SPECC1: variants seen among roughly 807,000 people sequenced by gnomAD.
SPECC1 encodes the protein sperm antigen with calponin homology and coiled-coil domains 1, also known as cytospin-B.
In SPECC1, 62 loss-of-function variants were observed where a neutral mutation model predicts 104.1. That is an observed-to-expected ratio of 0.60 (90% CI 0.49 to 0.74). The LOEUF (loss-of-function observed/expected upper bound fraction) is 0.74, where lower values mean the gene tolerates loss of function less well. Ranked by LOEUF, SPECC1 falls within the 30% of genes least tolerant of loss-of-function variation. The pLI, the probability that SPECC1 is intolerant of heterozygous loss-of-function variation, is 0.00. For synonymous variants in SPECC1, 513 were observed against 501.6 expected (o/e 1.02, Z -0.30); for missense variants, 1,306 against 1,310.5 (o/e 1.00, Z 0.05).
intron 1 of SPECC1, among the ~76,000 whole-genome samples, chr17:20,059,253 T>C (rs961833514): frequency 6.6e-6 from 1 of 151,986 alleles, no homozygotes; most frequent in Non-Finnish European, 1.5e-5. Context: ...TGCAACTAGA[T>C]GTTCCCATCT....
At chr17:20,048,632 C>T (rs76785067) in intron 1 of SPECC1, among the ~76,000 whole-genome samples, 125 of 152,056 alleles carry the variant, frequency 8.2e-4, no homozygotes, top group Non-Finnish European at 1.4e-3. Flanking sequence ...CAGGGCCAGG[C>T]GCGGTGGCTC....
chr17:20,230,766 G>A (rs1227987561), intron 5 of SPECC1, among the ~76,000 whole-genome samples: 2 of 152,068 alleles, frequency 1.3e-5, no homozygotes, highest in Non-Finnish European at 2.9e-5. Flanking sequence ...AGAGACCTAG[G>A]GACACATAAA....
chr17:20,020,082 C>A (rs1237879469), intron 1 of SPECC1, among the ~76,000 whole-genome samples: 1 of 152,180 alleles, frequency 6.6e-6, no homozygotes, highest in Non-Finnish European at 1.5e-5. Flanking sequence ...TTTCTTCATT[C>A]TAGTCACTGC....
At chr17:20,290,557 C>T (rs1443224623) in intron 12 of SPECC1, among the ~76,000 whole-genome samples, 2 of 152,074 alleles carry the variant, frequency 1.3e-5, no homozygotes, top group South Asian at 4.1e-4. Context: ...CTCTGTTGCC[C>T]TGGCTGGAGT....
intron 3 of SPECC1, chr17:20,156,075 T>A: frequency 1.5e-6 from 2 of 1,324,182 alleles, no homozygotes; most frequent in Non-Finnish European, 1.9e-6. Flanking sequence ...GCCCGGTCCT[T>A]TCTTTGACTG....
At chr17:20,087,350 G>C (rs1441821218) in intron 1 of SPECC1, among the ~76,000 whole-genome samples, 1 of 152,190 alleles carries the variant, frequency 6.6e-6, no homozygotes, top group African/African-American at 2.4e-5. Context: ...CAGCATGAAT[G>C]TTTTCAAGGT....
chr17:20,072,906 T>C (rs904172251), intron 1 of SPECC1, among the ~76,000 whole-genome samples: 4 of 152,176 alleles, frequency 2.6e-5, no homozygotes, highest in Non-Finnish European at 4.4e-5. Flanking sequence ...ATTTCTTCGG[T>C]GTTTTTTTCT....
rs72832516 is a variant in SPECC1 at position 20,284,164 on chromosome 17, G to A, written c.2941-12797G>A. 2.4e-3 allele frequency among the ~76,000 whole-genome samples: 370 copies of A among 152,286 alleles called. 1 individual carries two copies. Among genetic ancestry groups the A allele is most frequent in the Non-Finnish European group, 4.1e-3 (282 of 68,030 alleles). On this transcript the variant is annotated intron_variant, in intron 12 of 14. Coordinates refer to ENST00000395527, the MANE Select transcript of SPECC1 (RefSeq NM_001243439.2). The stretch of plus-strand genomic sequence containing the variant: ...ACAAGCGATGCGAGACTAATCCCTG[G>A]GAGAAGGGAAACTCCTGCAGTGATG...
At chr17:20,307,825 A>G (rs929355146) in intron 14 of SPECC1, among the ~76,000 whole-genome samples, 4 of 152,218 alleles carry the variant, frequency 2.6e-5, no homozygotes, top group Admixed American at 6.5e-5. Context: ...AGGATAATGA[A>G]AGAGTCCACA....
intron 12 of SPECC1, among the ~76,000 whole-genome samples, chr17:20,266,008 C>G (rs143750970): frequency 1.3e-5 from 2 of 152,144 alleles, no homozygotes; most frequent in Non-Finnish European, 2.9e-5. Flanking sequence ...TCAGGCAATG[C>G]GAGTCTCCAG....
At position 20,080,657 on chromosome 17, in the gene SPECC1, G is replaced by A. The variant is rs190548971; in HGVS notation, c.-21-15974G>A. Reference sequence around the variant, plus strand: ...AGGGTCTCGGGTTGTCTTGAGTCTAGGAGCTTGAGGGCCTCTCCGGGTCTT... The same window carrying A: ...AGGGTCTCGGGTTGTCTTGAGTCTAAGAGCTTGAGGGCCTCTCCGGGTCTT... On this transcript the variant is annotated intron_variant, in intron 1 of 14. Coordinates refer to ENST00000395527, the MANE Select transcript of SPECC1 (RefSeq NM_001243439.2). Among the ~76,000 whole-genome samples, 442 of 152,152 alleles carry A rather than the reference G, an allele frequency of 2.9e-3. 3 individuals carry two copies. The highest frequency in any genetic ancestry group is 0.01 in the African/African-American group (418 of 41,500).
intron 1 of SPECC1, among the ~76,000 whole-genome samples, chr17:20,054,200 C>T (rs1395099778): frequency 6.6e-6 from 1 of 152,198 alleles, no homozygotes; most frequent in Non-Finnish European, 1.5e-5. Flanking sequence ...TGAATTTGAG[C>T]ATCTTTCTTC....
rs888838846 is a variant in SPECC1, at chr17:20,317,876, G to A, written c.*3811G>A. 8.8e-6 allele frequency: 2 copies of A among 226,462 alleles called. No homozygotes were observed. Among genetic ancestry groups the A allele is most frequent in the Non-Finnish European group, 1.8e-5 (2 of 113,862 alleles). 14.0% of individuals were successfully genotyped at this position (226,462 alleles called of 1,614,324 possible). A position where few individuals can be genotyped will look rare whatever the true frequency, so the allele number is the denominator to read the frequency against. ...GGGCTCCCCCAAGCCATCCGCTGGC[G>A]TGTGGAGGTGCAGGACCTGGGGGAG... On this transcript the variant is annotated 3_prime_UTR_variant, in exon 15 of 15. Coordinates refer to ENST00000395527, the MANE Select transcript of SPECC1 (RefSeq NM_001243439.2).
intron 3 of SPECC1, among the ~76,000 whole-genome samples, chr17:20,175,594 A>G (rs764428021): frequency 6.6e-6 from 1 of 152,178 alleles, no homozygotes; most frequent in Non-Finnish European, 1.5e-5. Context: ...TTTGCAAGTG[A>G]CAGCAATCTT....
rs572149386 is a variant in SPECC1 at position 20,110,609 on chromosome 17, C to T, written c.283+47C>T. The T allele has an allele frequency of 1.3e-4, 210 of 1,556,116 alleles. 3 individuals are homozygous for T. In the South Asian group the frequency reaches 2.2e-3, roughly 16 times the overall value. ...GGCTCGGCAGGCCATCAGTCCTGGC[C>T]GCATGGAAGCACTTCAGTGACCCAT... On this transcript the variant is annotated intron_variant, in intron 3 of 14. Coordinates refer to ENST00000395527, the MANE Select transcript of SPECC1 (RefSeq NM_001243439.2).
intron 3 of SPECC1, among the ~76,000 whole-genome samples, chr17:20,180,815 GTATTGCATATGTTGCAAACATATT>G (rs1445758747): frequency 1.3e-5 from 2 of 152,166 alleles, no homozygotes; most frequent in East Asian, 1.9e-4. Flanking sequence ...TGCAACAAAT[GTATTGCATATGTTGCAAACATATT>G]TATTGCGAAA....
At chr17:20,273,346 T>C (rs886576928) in intron 12 of SPECC1, among the ~76,000 whole-genome samples, 3 of 151,994 alleles carry the variant, frequency 2.0e-5, no homozygotes, top group Non-Finnish European at 4.4e-5. Context: ...GGCATGGTGG[T>C]GCACGCCTGT....
At chr17:20,235,578 C>T (rs2703777) in intron 7 of SPECC1, among the ~76,000 whole-genome samples, 64,358 of 151,802 alleles carry the variant, frequency 0.42, 14,241 homozygotes, top group East Asian at 0.8. Context: ...AGACATGGTT[C>T]GTGAGCAGTG....
intron 7 of SPECC1, among the ~76,000 whole-genome samples, chr17:20,233,279 A>G (rs2038712361): frequency 6.6e-6 from 1 of 152,152 alleles, no homozygotes; most frequent in African/African-American, 2.4e-5. Context: ...AGGTGGCCCT[A>G]GTGTTTACAT....
Sources: allele counts gnomAD v4.1 joint callset (sites outside exome capture counted in the v4.1 genomes callset), GRCh38; gene constraint gnomAD v4.1.1; transcripts MANE v1.5; gene names NCBI Gene and HGNC (gene_info 2026-07-23, HGNC 2026-07-21).